TIMM50: variants seen among roughly 807,000 people sequenced by gnomAD.
TIMM50 encodes mitochondrial import inner membrane translocase subunit TIM50.
A neutral mutation model predicts 49.6 loss-of-function variants in TIMM50; 34 were observed. The observed-to-expected ratio is 0.69, with a 90% CI of 0.52 to 0.91. The LOEUF is 0.91. Among genes scored for constraint, TIMM50 ranks in the 40% least tolerant of loss-of-function variants. The probability of loss-of-function intolerance (pLI) is 0.00; values close to 1 mark genes in which losing one functional copy is unlikely to be tolerated. For synonymous variants in TIMM50, 199 were observed against 198.4 expected (o/e 1.00, Z -0.03); for missense variants, 458 against 477.8 (o/e 0.96, Z 0.39).
At chr19:39,489,131 G>T (rs1316270104) in intron 10 of TIMM50, among the ~76,000 whole-genome samples, 1 of 152,054 alleles carries the variant, frequency 6.6e-6, no homozygotes, top group Non-Finnish European at 1.5e-5. Flanking sequence ...TCTAGGTTAG[G>T]TTCCTAGAGT....
rs1431666273 is a variant in TIMM50, at chr19:39,490,846, C to T, written c.*1026C>T. ...AGACCAGCCTCAACATGGAGAAACC[C>T]CATCTCTACTAAAAATACAAAATTA... On this transcript the variant is annotated 3_prime_UTR_variant, in exon 11 of 11. Coordinates refer to ENST00000607714, the MANE Select transcript of TIMM50 (RefSeq NM_001001563.5). The T allele has an allele frequency of 6.6e-6, 1 of 151,812 alleles. No individual in the cohort carries two copies. The highest frequency in any genetic ancestry group is 2.4e-5 in the African/African-American group (1 of 41,340). The allele number at this position is 151,812 out of a possible 1,614,324, so 9.4% of individuals were successfully genotyped here.
Position 39,481,973 on chromosome 19 carries a change from G to A in TIMM50, c.199G>A (p.Ala67Thr). The A allele has an allele frequency of 6.2e-7, 1 of 1,614,172 alleles. No homozygotes were observed. Among genetic ancestry groups the A allele is most frequent in the South Asian group, 1.1e-5 (1 of 91,086 alleles). Residue 67 changes from alanine to threonine, a missense_variant, in exon 2 of 11, where the codon GCG becomes ACG. Ala to Thr is a moderately conservative substitution (Grantham distance 58, BLOSUM62 0). Transcript: ENST00000607714. Reference sequence around the variant, plus strand: ...GGGTCCCAGCTATGCCAAAAAAGTTGCGCTCTGGCTTGCTGGGCTGCTTGG... The same window carrying A: ...GGGTCCCAGCTATGCCAAAAAAGTTACGCTCTGGCTTGCTGGGCTGCTTGG... ...SEGPSYAKKV[A>T]LWLAGLLGAG...
chr19:39,483,398 C>A, intron 4 of TIMM50: 23 of 490,088 alleles, frequency 4.7e-5, no homozygotes, highest in Non-Finnish European at 5.9e-5. Context: ...GGTGGGAGGG[C>A]TTGGGGACAC....
At chr19:39,485,486 T>C (rs2079498373) in intron 4 of TIMM50, 58 bp from the exon 5 acceptor site, 1 of 1,607,788 alleles carries the variant, frequency 6.2e-7, no homozygotes, top group Admixed American at 1.7e-5. Flanking sequence ...CCCTGGTTTG[T>C]CTGGGAGGTT....
chr19:39,489,691 CTCT>C (rs1460481445), intron 10 of TIMM50, 25 bp from the exon 11 acceptor site: 2 of 1,577,006 alleles, frequency 1.3e-6, no homozygotes, highest in South Asian at 2.3e-5. Flanking sequence ...TGCGCTGACC[CTCT>C]CCTCCAACTG....
intron 6 of TIMM50, 78 bp from the exon 7 acceptor site, chr19:39,486,109 C>A: frequency 7.0e-7 from 1 of 1,419,508 alleles, no homozygotes; most frequent in Non-Finnish European, 1.0e-6. Context: ...GGGAATCCCC[C>A]AGGCTGGATC....
In TIMM50 at chr19:39,485,613, G is replaced by A. The variant is rs781310617; in HGVS notation, c.372+11G>A. On this transcript the variant is annotated intron_variant, in intron 5 of 10. Transcript: ENST00000607714. ...AAAGATTATAGACAGGTGAGCAGAA[G>A]CCCTGGGCTCAGTCCCCATGTCTCC... 3 of 1,614,144 alleles carry A rather than the reference G, an allele frequency of 1.9e-6. No homozygotes were observed. The highest frequency in any genetic ancestry group is 1.6e-4 in the Middle Eastern group (1 of 6,062).
Position 39,486,444 on chromosome 19 carries a change from C to CT in TIMM50, c.646dup (p.Tyr216LeufsTer45). 1 of 1,614,186 alleles carries CT rather than the reference C, an allele frequency of 6.2e-7. No homozygotes were observed. Among genetic ancestry groups the CT allele is most frequent in the Non-Finnish European group, 8.5e-7 (1 of 1,180,036 alleles). ...GTGTGGACCCCCATGGCTTCATCTC[C>CT]TACCGCCTATTCCGGGACGCCACAA... is the stretch of plus-strand genomic sequence containing the variant. On this transcript the variant is annotated frameshift_variant, in exon 8 of 11. Transcript: ENST00000607714. LOFTEE classifies it high-confidence loss of function.
Position 39,488,603 on chromosome 19 carries a change from C to A in TIMM50, c.918C>A (p.Asp306Glu). The A allele has an allele frequency of 6.2e-7, 1 of 1,613,650 alleles. No homozygotes were observed. The highest frequency in any genetic ancestry group is 8.5e-7 in the Non-Finnish European group (1 of 1,180,024). ...TVLEHYALED[D>E]PLAAFKQRQS... ...TGGAGCACTATGCCCTGGAGGATGACCCGCTGGCGGCTTTCAAACAGCGGC... is the reference window on the plus strand; with the variant it reads ...TGGAGCACTATGCCCTGGAGGATGAACCGCTGGCGGCTTTCAAACAGCGGC... Residue 306 changes from aspartate to glutamate, a missense_variant, in exon 10 of 11, where the codon GAC (aspartate) becomes GAA (glutamate). Transcript: ENST00000607714.
rs1229515931 is a variant in TIMM50 at position 39,491,820 on chromosome 19, C to G, written c.*2000C>G. The stretch of plus-strand genomic sequence containing the variant: ...CTAGCCTGGGCAACAGAGCGAGACC[C>G]TGTCTCAAAAAAAAAAAAAAAAAAA... On this transcript the variant is annotated 3_prime_UTR_variant, in exon 11 of 11. Transcript: ENST00000607714. 8.0e-6 allele frequency: 1 copy of G among 125,644 alleles called. No homozygotes were observed. The allele number at this position is 125,644 out of a possible 1,614,324, so 7.8% of individuals were successfully genotyped here.
In TIMM50 at chr19:39,485,930, C is replaced by T. The variant is rs191679975; in HGVS notation, c.492+123C>T. ...GAGGAGATGTCACCTGTCATTGCCT[C>T]GCTTTCTTCAGCTGGGAGAAGGCAG... On this transcript the variant is annotated intron_variant, in intron 6 of 10. Coordinates refer to ENST00000607714, the MANE Select transcript of TIMM50 (RefSeq NM_001001563.5). The T allele has an allele frequency of 7.6e-5, 108 of 1,423,236 alleles. 1 individual carries two copies. In the East Asian group the frequency reaches 1.9e-3, roughly 25 times the overall value. The allele number at this position is 1,423,236 out of a possible 1,614,324, so 88.2% of individuals were successfully genotyped here.
chr19:39,481,537 A>C (rs1012161589), intron 1 of TIMM50, among the ~76,000 whole-genome samples: 2 of 151,014 alleles, frequency 1.3e-5, no homozygotes, highest in Non-Finnish European at 3.0e-5. Context: ...CCCTTCCCCC[A>C]CCACTTGTGC....
Position 39,485,765 on chromosome 19 carries a change from C to T in TIMM50, c.450C>T (p.Leu150=), listed in dbSNP as rs373729518. The T allele has an allele frequency of 5.6e-6, 9 of 1,614,152 alleles. No homozygotes were observed. The highest frequency in any genetic ancestry group is 2.2e-5 in the South Asian group (2 of 91,078). The part of the protein sequence containing the change: ...QEPYYQPPYT[L]VLELTGVLLH... ...CGTACTACCAGCCACCCTACACGCT[C>T]GTTTTGGAGCTCACCGGCGTCCTCT... Residue 150 remains leucine, a synonymous_variant, in exon 6 of 11, where the codon CTC becomes CTT. Transcript: ENST00000607714.
At chr19:39,481,227 C>T (rs868710083) in intron 1 of TIMM50, 8 of 532,700 alleles carry the variant, frequency 1.5e-5, no homozygotes, top group Middle Eastern at 4.8e-4. Flanking sequence ...AGTGACCACT[C>T]AGGTGATACT....
chr19:39,481,052 C>T (rs1600736048), intron 1 of TIMM50, 91 bp downstream of exon 1: 1 of 1,412,376 alleles, frequency 7.1e-7, no homozygotes, highest in Non-Finnish European at 9.3e-7. Flanking sequence ...CGGGACGCCT[C>T]ACCTCAGGGT....
intron 1 of TIMM50, 200 bp downstream of exon 1, chr19:39,481,161 C>G: frequency 1.5e-6 from 1 of 646,220 alleles, no homozygotes; most frequent in Non-Finnish European, 2.5e-6. Flanking sequence ...GTCCTTAGAC[C>G]CCACCTCCCA....
At position 39,480,839 on chromosome 19, in the gene TIMM50, T is replaced by C. The variant is rs774398398; in HGVS notation, c.-15T>C. ...GAGGGAGCGAGTGGGCGGGGCCGCG[T>C]GGCGTCAGCGCAAGATGGCGGCCTC... On this transcript the variant is annotated 5_prime_UTR_variant, in exon 1 of 11. Coordinates refer to ENST00000607714, the MANE Select transcript of TIMM50 (RefSeq NM_001001563.5). 1.3e-6 allele frequency: 2 copies of C among 1,593,962 alleles called. No individual in the cohort carries two copies. Among genetic ancestry groups the C allele is most frequent in the African/African-American group, 2.7e-5 (2 of 74,548 alleles).
In TIMM50 at chr19:39,491,860, T is replaced by G. The variant is rs2079547895; in HGVS notation, c.*2040T>G. 1 of 147,290 alleles carries G rather than the reference T, an allele frequency of 6.8e-6. No homozygotes were observed. The highest frequency in any genetic ancestry group is 2.1e-4 in the South Asian group (1 of 4,716). The allele number at this position is 147,290 out of a possible 1,614,324, so 9.1% of individuals were successfully genotyped here. A position where few individuals can be genotyped will look rare whatever the true frequency, so the allele number is the denominator to read the frequency against. ...AAAAAAAAAAAAAAAAACCTTAAGA[T>G]TTTTTTTTGGAGTCAGGGTCTCGCT... On this transcript the variant is annotated 3_prime_UTR_variant, in exon 11 of 11. Coordinates refer to ENST00000607714, the MANE Select transcript of TIMM50 (RefSeq NM_001001563.5).
intron 3 of TIMM50, 34 bp from the exon 4 acceptor site, chr19:39,483,101 T>G: frequency 1.2e-6 from 2 of 1,614,096 alleles, no homozygotes; most frequent in Non-Finnish European, 1.7e-6. Flanking sequence ...GCCTCTGACA[T>G]CCTAAACCTT....
Sources: gnomAD v4.1 joint callset for allele counts (sites outside exome capture counted in the v4.1 genomes callset) on GRCh38, gnomAD v4.1.1 for gene constraint, MANE v1.5 for transcripts, NCBI Gene and HGNC (gene_info 2026-07-23, HGNC 2026-07-21) for gene names.